DDX24: variants seen among roughly 807,000 people sequenced by gnomAD.
DDX24 encodes DEAD-box helicase 24.
A neutral mutation model predicts 68.9 loss-of-function variants in DDX24; 24 were observed. That is an observed-to-expected ratio of 0.35 (90% confidence interval 0.25 to 0.49). The LOEUF is 0.49. DDX24 is among the 20% of genes least tolerant of loss of function. DDX24 has a pLI of 0.99. For missense variants in DDX24, 989 were observed against 1,039.0 expected (o/e 0.95, Z 0.66); for synonymous variants, 395 against 385.2 (o/e 1.03, Z -0.30).
intron 8 of DDX24, 92 bp from the exon 9 acceptor site, chr14:94,051,554 G>C: frequency 6.8e-7 from 1 of 1,471,168 alleles, no homozygotes. Context: ...AAATGTTTTA[G>C]AACTACTTTA....
At chr14:94,079,978 T>C (rs1179357258) in intron 1 of DDX24, among the ~76,000 whole-genome samples, 2 of 152,132 alleles carry the variant, frequency 1.3e-5, no homozygotes, top group African/African-American at 2.4e-5. Flanking sequence ...TAGACCTGGT[T>C]TGAATTCCAA....
chr14:94,074,947 T>C (rs1885907199), intron 2 of DDX24, among the ~76,000 whole-genome samples: 1 of 152,242 alleles, frequency 6.6e-6, no homozygotes, highest in East Asian at 1.9e-4. Flanking sequence ...TAAGGATAAA[T>C]CTAACATAAG....
Position 94,079,615 on chromosome 14 carries a change from T to C in DDX24, c.128A>G (p.Gln43Arg). The change falls in exon 2 of 9, where the codon CAG (glutamine) becomes CGG (arginine). Residue 43 changes from glutamine to arginine, a missense_variant. Transcript: ENST00000621632. ...KIDPNMFADG[Q>R]MDDLVCFEEL... ...CTCAAAGCACACCAAGTCATCCATC[T>C]GTCCATCTGCAAACATATTTGGGTC... 2 of 1,614,194 alleles carry C rather than the reference T, an allele frequency of 1.2e-6. No individual in the cohort carries two copies. The highest frequency in any genetic ancestry group is 2.2e-5 in the East Asian group (1 of 44,882).
chr14:94,065,277 C>G (rs941038833), intron 2 of DDX24, among the ~76,000 whole-genome samples: 1 of 151,838 alleles, frequency 6.6e-6, no homozygotes, highest in Non-Finnish European at 1.5e-5. Context: ...TGGTCTCTAT[C>G]TCTTCACCTC....
intron 7 of DDX24, among the ~76,000 whole-genome samples, chr14:94,053,590 G>C (rs953900065): frequency 6.6e-6 from 1 of 151,880 alleles, no homozygotes; most frequent in Non-Finnish European, 1.5e-5. Flanking sequence ...CAAGGCGGGC[G>C]GATCACCTGA....
Position 94,079,167 on chromosome 14 carries a change from T to TG in DDX24, c.575dup (p.Ala193SerfsTer37). The TG allele has an allele frequency of 6.2e-7, 1 of 1,614,246 alleles. No homozygotes were observed. Among genetic ancestry groups the TG allele is most frequent in the Non-Finnish European group, 8.5e-7 (1 of 1,180,046 alleles). On this transcript the variant is annotated frameshift_variant, in exon 2 of 9. Coordinates refer to ENST00000621632, the MANE Select transcript of DDX24 (RefSeq NM_020414.4). LOFTEE classifies it high-confidence loss of function. Reference sequence around the variant, plus strand: ...TGGGAACAAACAGGTCCTTCCAAGCTGACACATCTGCTTTCTGATCATGAA... The same window carrying TG: ...TGGGAACAAACAGGTCCTTCCAAGCTGGACACATCTGCTTTCTGATCATGAA...
intron 6 of DDX24, chr14:94,056,064 C>G (rs926080273): frequency 1.3e-5 from 2 of 152,208 alleles, no homozygotes; most frequent in Non-Finnish European, 2.9e-5. Context: ...TCTGCTGGAT[C>G]CAATACTTCT....
chr14:94,080,779 G>C (rs933935292), intron 1 of DDX24, among the ~76,000 whole-genome samples: 1 of 152,172 alleles, frequency 6.6e-6, no homozygotes, highest in Non-Finnish European at 1.5e-5. Flanking sequence ...CACGCGAACC[G>C]GGCGAGGACA....
chr14:94,074,853 A>C (rs1885903375), intron 2 of DDX24, among the ~76,000 whole-genome samples: 1 of 152,234 alleles, frequency 6.6e-6, no homozygotes, highest in South Asian at 2.1e-4. Context: ...AAAATCCATC[A>C]TATTTCTACT....
chr14:94,060,690 T>A, intron 4 of DDX24, 77 bp from the exon 5 acceptor site: 1 of 1,535,652 alleles, frequency 6.5e-7, no homozygotes, highest in Non-Finnish European at 8.8e-7. Flanking sequence ...CCTACACTCA[T>A]CCTAAACACA....
At chr14:94,069,856 C>T (rs976163760) in intron 2 of DDX24, among the ~76,000 whole-genome samples, 2 of 152,086 alleles carry the variant, frequency 1.3e-5, no homozygotes, top group African/African-American at 2.4e-5. Context: ...AAGGGACACA[C>T]CTTAATGTAA....
rs929338576 is a variant in DDX24 at position 94,081,198 on chromosome 14, C to T, written c.-85G>A. ...CGCCGCTGTACCTCAGCTGCAGCAG[C>T]AACTGCAGTTCCGGGGCGGGACCTC... is the stretch of plus-strand genomic sequence containing the variant. On this transcript the variant is annotated 5_prime_UTR_variant, in exon 1 of 9. Coordinates refer to ENST00000621632, the MANE Select transcript of DDX24 (RefSeq NM_020414.4). The T allele has an allele frequency of 6.6e-6, 1 of 152,440 alleles. No individual in the cohort carries two copies. Among genetic ancestry groups the T allele is most frequent in the African/African-American group, 2.4e-5 (1 of 41,600 alleles). The allele number at this position is 152,440 out of a possible 1,614,324, so 9.4% of individuals were successfully genotyped here.
chr14:94,056,265 T>A (rs1228355397), intron 6 of DDX24: 3 of 152,236 alleles, frequency 2.0e-5, no homozygotes, highest in Non-Finnish European at 4.4e-5. Context: ...TGTATACTAA[T>A]GACAAACTAT....
Position 94,079,136 on chromosome 14 carries a change from C to T in DDX24, c.607G>A (p.Val203Ile), listed in dbSNP as rs1247341909. ...CCTAGAAAGCTGAGTGCTCGGAGAA[C>T]CGGCCTGGGAACAAACAGGTCCTTC... Reference protein sequence around the residue: ...AWKDLFVPRPVLRALSFLGFS... With the variant: ...AWKDLFVPRPILRALSFLGFS... Residue 203 changes from valine to isoleucine, a missense_variant, in exon 2 of 9, where the codon GTT becomes ATT. Val to Ile is a conservative substitution (Grantham distance 29, BLOSUM62 3). Transcript: ENST00000621632. 6.2e-7 allele frequency: 1 copy of T among 1,614,212 alleles called. No individual in the cohort carries two copies. The highest frequency in any genetic ancestry group is 8.5e-7 in the Non-Finnish European group (1 of 1,180,040).
intron 7 of DDX24, chr14:94,053,354 A>ATTTC (rs1340288531): frequency 6.9e-6 from 1 of 144,926 alleles, no homozygotes; most frequent in Non-Finnish European, 1.2e-5. Context: ...TGCCTAGGTA[A>ATTTC]TTTCTTTTTT....
intron 1 of DDX24, 113 bp from the exon 2 acceptor site, chr14:94,079,860 G>A (rs909905466): frequency 3.1e-6 from 3 of 961,228 alleles, no homozygotes; most frequent in African/African-American, 1.6e-5. Flanking sequence ...ATACAAAGAT[G>A]GCTATCACAC....
chr14:94,071,892 C>T (rs1885839064), intron 2 of DDX24, among the ~76,000 whole-genome samples: 1 of 152,248 alleles, frequency 6.6e-6, no homozygotes, highest in Admixed American at 6.5e-5. Flanking sequence ...TTGCAGTGAG[C>T]CGAGATTGCG....
chr14:94,061,421 C>A (rs1430692376), intron 3 of DDX24, among the ~76,000 whole-genome samples: 1 of 152,130 alleles, frequency 6.6e-6, no homozygotes. Context: ...CTGTGCTACA[C>A]CTCTCCTAGG....
Position 94,079,060 on chromosome 14 carries a change from C to G in DDX24, c.683G>C (p.Arg228Pro), listed in dbSNP as rs764925566. The part of the protein sequence containing the change: ...IQALTLAPAI[R>P]DKLDILGAAE... Reference sequence around the variant, plus strand: ...AGCCCCAAGGATGTCCAGTTTGTCACGGATGGCAGGTGCCAAGGTCAGGGC... The same window carrying G: ...AGCCCCAAGGATGTCCAGTTTGTCAGGGATGGCAGGTGCCAAGGTCAGGGC... Residue 228 changes from arginine to proline, a missense_variant, in exon 2 of 9, where the codon CGT becomes CCT. This residue lies in a region of DDX24 where 295 missense variants were observed against 263.0 expected (regional missense o/e 1.12). Coordinates refer to ENST00000621632, the MANE Select transcript of DDX24 (RefSeq NM_020414.4). The G allele has an allele frequency of 6.2e-7, 1 of 1,614,034 alleles. No individual in the cohort carries two copies. Among genetic ancestry groups the G allele is most frequent in the Admixed American group, 1.7e-5 (1 of 60,018 alleles).
Sources: allele counts gnomAD v4.1 joint callset (sites outside exome capture counted in the v4.1 genomes callset), GRCh38; gene constraint gnomAD v4.1.1; regional missense constraint gnomAD v4.1.1; transcripts MANE v1.5; gene names NCBI Gene and HGNC (gene_info 2026-07-23, HGNC 2026-07-21).